EFL1: variants seen among roughly 807,000 people sequenced by gnomAD.
The protein encoded by EFL1 is elongation factor-like GTPase 1.
EFL1 carries 76 observed loss-of-function variants against 126.7 expected under a neutral mutation model. The ratio of observed to expected loss-of-function variants is 0.60; its 90% CI spans 0.50 to 0.73. The LOEUF (loss-of-function observed/expected upper bound fraction) is 0.73, where lower values mean the gene tolerates loss of function less well. EFL1 is among the 30% of genes least tolerant of loss of function. The probability of loss-of-function intolerance (pLI) is 0.00; values close to 1 mark genes in which losing one functional copy is unlikely to be tolerated. For missense variants in EFL1, 1,128 were observed against 1,343.2 expected (o/e 0.84, Z 2.50); for synonymous variants, 410 against 448.4 (o/e 0.91, Z 1.08).
intron 11 of EFL1, 43 bp from the exon 12 acceptor site, chr15:82,225,307 T>C (rs771687888): frequency 7.2e-7 from 1 of 1,392,536 alleles, no homozygotes; most frequent in Non-Finnish European, 9.7e-7. Flanking sequence ...TTTCCCATTA[T>C]TAAAAAAAAA....
intron 12 of EFL1, among the ~76,000 whole-genome samples, chr15:82,223,914 C>T (rs2074736556): frequency 1.3e-5 from 2 of 152,188 alleles, no homozygotes. Context: ...TATTCCTTTA[C>T]TTATCCCCAG....
intron 15 of EFL1, among the ~76,000 whole-genome samples, chr15:82,196,098 G>C (rs904792708): frequency 3.2e-4 from 49 of 152,234 alleles, no homozygotes; most frequent in Admixed American, 5.9e-4. Context: ...GGTATATTCA[G>C]GAGTGCTGAG....
chr15:82,158,524 C>T (rs2073990116), intron 16 of EFL1, among the ~76,000 whole-genome samples: 1 of 152,200 alleles, frequency 6.6e-6, no homozygotes, highest in Non-Finnish European at 1.5e-5. Context: ...CTACTGCTCC[C>T]TCAAGGCAGG....
chr15:82,247,822 A>C (rs2074986869), intron 4 of EFL1, among the ~76,000 whole-genome samples: 1 of 152,134 alleles, frequency 6.6e-6, no homozygotes, highest in Non-Finnish European at 1.5e-5. Context: ...AGAGACTATA[A>C]GAGAGGCCAG....
chr15:82,135,947 C>A (rs1478239915), intron 19 of EFL1, among the ~76,000 whole-genome samples: 2 of 152,162 alleles, frequency 1.3e-5, no homozygotes, highest in Non-Finnish European at 2.9e-5. Flanking sequence ...CACAGTGAGT[C>A]ACATGTCAGC....
intron 17 of EFL1, 82 bp downstream of exon 17, chr15:82,157,631 A>C: frequency 1.4e-6 from 2 of 1,456,268 alleles, no homozygotes; most frequent in Non-Finnish European, 1.8e-6. Context: ...GCCGCAGTCT[A>C]AGTTCAACTG....
intron 15 of EFL1, among the ~76,000 whole-genome samples, chr15:82,171,231 T>G (rs192115977): frequency 6.6e-6 from 1 of 152,366 alleles, no homozygotes; most frequent in Admixed American, 6.5e-5. Flanking sequence ...CACCTTGAAC[T>G]GTGAGCTATT....
chr15:82,189,038 C>A (rs1204769543), intron 15 of EFL1, among the ~76,000 whole-genome samples: 5 of 151,376 alleles, frequency 3.3e-5, no homozygotes, highest in African/African-American at 1.2e-4. Context: ...TCTGTGAACA[C>A]AGAGTATACT....
intron 15 of EFL1, among the ~76,000 whole-genome samples, chr15:82,180,362 A>AAAAAAAAAAC (rs1567052842): frequency 7.5e-5 from 8 of 107,198 alleles, no homozygotes; most frequent in African/African-American, 2.5e-4. Flanking sequence ...AAACTGGCAA[A>AAAAAAAAAAC]AAAAAAAAAA....
intron 17 of EFL1, among the ~76,000 whole-genome samples, chr15:82,155,853 T>C (rs1018753338): frequency 6.6e-6 from 1 of 152,272 alleles, no homozygotes; most frequent in Non-Finnish European, 1.5e-5. Context: ...CTTTCATGTT[T>C]ATTGGCCTTT....
At chr15:82,234,944 GC>G (rs2074857568) in intron 7 of EFL1, among the ~76,000 whole-genome samples, 1 of 152,108 alleles carries the variant, frequency 6.6e-6, no homozygotes, top group Non-Finnish European at 1.5e-5. Context: ...AGAAACTGTT[GC>G]AGTTTAAAAA....
In EFL1 at chr15:82,214,739, C is replaced by T. The variant is rs768987559; in HGVS notation, c.1728G>A (p.Glu576=). 11 of 1,585,868 alleles carry T rather than the reference C, an allele frequency of 6.9e-6. No homozygotes were observed. In the South Asian group the frequency reaches 1.0e-4, roughly 15 times the overall value. The change falls in exon 15 of 20, where the codon GAG becomes GAA. Residue 576 remains glutamate (E), a synonymous_variant. Transcript: ENST00000268206. ...TACCTAGCACATTTCCTGGAGGTAC[C>T]TCCTCTAGATATTCCAGTTCCCTTC... ...LMGRELEYLE[E]VPPGNVLGIG...
chr15:82,228,406 AT>A, intron 9 of EFL1, 79 bp from the exon 10 acceptor site: 1 of 1,493,296 alleles, frequency 6.7e-7, no homozygotes, highest in Non-Finnish European at 8.9e-7. Context: ...ATTATTTGGC[AT>A]ATTTTTACCC....
At chr15:82,213,232 T>C (rs575129416) in intron 15 of EFL1, among the ~76,000 whole-genome samples, 28 of 152,358 alleles carry the variant, frequency 1.8e-4, no homozygotes, top group African/African-American at 6.0e-4. Context: ...GTAAATTTGG[T>C]AAACAAAGAT....
chr15:82,203,275 T>C (rs891390903), intron 15 of EFL1, among the ~76,000 whole-genome samples: 12 of 152,248 alleles, frequency 7.9e-5, no homozygotes, highest in African/African-American at 2.9e-4. Context: ...AAGACAACCA[T>C]TAACTTGTAC....
rs190516485 is a variant in EFL1 at position 82,233,909 on chromosome 15, A to G, written c.732-2938T>C. The G allele has an allele frequency of 5.3e-5, 8 of 152,296 alleles. No homozygotes were observed. In the East Asian group the frequency reaches 1.5e-3, roughly 29 times the overall value. 9.4% of individuals were successfully genotyped at this position (152,296 alleles called of 1,614,324 possible). ...TTTTAGAGGAAAAGGGGAAGGAAAA[A>G]GTCTCTGGTGCTTTCATTTCCACCA... On this transcript the variant is annotated intron_variant, in intron 7 of 19. Transcript: ENST00000268206.
intron 18 of EFL1, among the ~76,000 whole-genome samples, chr15:82,147,803 G>A (rs1048117909): frequency 1.3e-5 from 2 of 152,008 alleles, no homozygotes; most frequent in Non-Finnish European, 2.9e-5. Flanking sequence ...GACAGAAGAA[G>A]GAAGAAAGCC....
chr15:82,158,869 TATG>T (rs2073994090), intron 16 of EFL1, among the ~76,000 whole-genome samples: 2 of 152,170 alleles, frequency 1.3e-5, no homozygotes, highest in African/African-American at 4.8e-5. Flanking sequence ...GATGAGGCGG[TATG>T]ATGATTGTTC....
At chr15:82,234,346 C>G (rs2141319892) in intron 7 of EFL1, among the ~76,000 whole-genome samples, 1 of 152,248 alleles carries the variant, frequency 6.6e-6, no homozygotes, top group Non-Finnish European at 1.5e-5. Context: ...GCCCAATATT[C>G]TTGTTTTTTC....
Sources: gnomAD v4.1 joint callset for allele counts (sites outside exome capture counted in the v4.1 genomes callset) on GRCh38, gnomAD v4.1.1 for gene constraint, MANE v1.5 for transcripts, NCBI Gene and HGNC (gene_info 2026-07-23, HGNC 2026-07-21) for gene names.